Variants in MPDZ observed in about 807,000 individuals in gnomAD.
MPDZ encodes multiple PDZ domain protein.
Under a neutral mutation model 239.1 loss-of-function variants are expected in MPDZ, and 234 were observed. The ratio of observed to expected loss-of-function variants is 0.98; its 90% CI spans 0.88 to 1.09. The LOEUF (loss-of-function observed/expected upper bound fraction) is 1.09, where lower values mean the gene tolerates loss of function less well. Among genes scored for constraint, MPDZ ranks in the 50% least tolerant of loss-of-function variants. The pLI is 0.00. For missense variants in MPDZ, 3,175 were observed against 2,510.0 expected (o/e 1.26, Z -5.66); for synonymous variants, 1,048 against 881.3 (o/e 1.19, Z -3.35).
intron 1 of MPDZ, among the ~76,000 whole-genome samples, chr9:13,260,963 G>A (rs1430814288): frequency 6.6e-6 from 1 of 152,138 alleles, no homozygotes; most frequent in Non-Finnish European, 1.5e-5. Context: ...ACTATGCTTC[G>A]CCCCTTTCTT....
intron 10 of MPDZ, among the ~76,000 whole-genome samples, chr9:13,212,205 T>C (rs1257787708): frequency 6.6e-6 from 1 of 152,100 alleles, no homozygotes; most frequent in Non-Finnish European, 1.5e-5. Flanking sequence ...TCTTCTGAAC[T>C]TGATGACTTG....
At chr9:13,229,602 A>ACACC (rs925844703) in intron 3 of MPDZ, among the ~76,000 whole-genome samples, 14 of 148,694 alleles carry the variant, frequency 9.4e-5, no homozygotes, top group African/African-American at 3.6e-4. Flanking sequence ...ACACACACAC[A>ACACC]CACCCCCATC....
chr9:13,133,769 G>T, intron 32 of MPDZ, 55 bp downstream of exon 32: 1 of 1,247,828 alleles, frequency 8.0e-7, no homozygotes, highest in South Asian at 1.3e-5. Flanking sequence ...CAGTGAATTA[G>T]AACACTGAGG....
chr9:13,140,499 G>A (rs1331573649), intron 27 of MPDZ, among the ~76,000 whole-genome samples: 1 of 147,738 alleles, frequency 6.8e-6, no homozygotes, highest in Middle Eastern at 3.4e-3. Context: ...ATATATCTAT[G>A]TATATATATA....
At chr9:13,140,389 TATAC>T (rs1206567889) in intron 27 of MPDZ, among the ~76,000 whole-genome samples, 1 of 142,674 alleles carries the variant, frequency 7.0e-6, no homozygotes, top group African/African-American at 2.7e-5. Context: ...ATTTTATATA[TATAC>T]ATATATATAT....
chr9:13,188,817 C>A lies in MPDZ; in HGVS notation c.2331G>T (p.Gly777=). The change falls in exon 17 of 47, where the codon GGG becomes GGT. Residue 777 remains glycine (G), a synonymous_variant. Transcript: ENST00000319217. Reference sequence around the variant, plus strand: ...GCTTAGCAACTCCTATTCTCACAGTCCCTGACGGTGCTCCCTTCAGTGCTT... The same window carrying A: ...GCTTAGCAACTCCTATTCTCACAGTACCTGACGGTGCTCCCTTCAGTGCTT... ...AVEALKGAPS[G]TVRIGVAKPL... The A allele has an allele frequency of 1.2e-6, 2 of 1,613,434 alleles. No homozygotes were observed. The highest frequency in any genetic ancestry group is 1.7e-6 in the Non-Finnish European group (2 of 1,179,496).
intron 32 of MPDZ, among the ~76,000 whole-genome samples, chr9:13,131,711 A>G (rs1048478140): frequency 2.6e-5 from 4 of 152,180 alleles, no homozygotes; most frequent in Non-Finnish European, 4.4e-5. Flanking sequence ...TAGAGGGTGG[A>G]TGCTGGGATC....
chr9:13,113,144 T>C lies in MPDZ; in HGVS notation c.5558-90A>G, dbSNP rs1942781038. The C allele has an allele frequency of 4.2e-6, 5 of 1,204,058 alleles. No homozygotes were observed. The South Asian group carries it at 5.9e-5, about 14-fold the overall frequency. 74.6% of individuals were successfully genotyped at this position (1,204,058 alleles called of 1,614,324 possible). The stretch of plus-strand genomic sequence containing the variant: ...ATATCTAAAGCTGGATGGGACTAAA[T>C]GATAACCTAGGTTTCTTTTTTTAAG... On this transcript the variant is annotated intron_variant, in intron 41 of 46. Coordinates refer to ENST00000319217, the MANE Select transcript of MPDZ (RefSeq NM_001378778.1).
intron 36 of MPDZ, 58 bp downstream of exon 36, chr9:13,123,095 G>A (rs772964370): frequency 1.3e-5 from 20 of 1,488,178 alleles, no homozygotes; most frequent in East Asian, 2.3e-5. Flanking sequence ...CCCCATAATC[G>A]TCTCTGAGGC....
intron 22 of MPDZ, chr9:13,165,302 A>G: frequency 1.3e-6 from 2 of 1,516,792 alleles, no homozygotes; most frequent in Non-Finnish European, 1.8e-6. Context: ...CAAAAGCACA[A>G]AATTGTTTTC....
intron 3 of MPDZ, among the ~76,000 whole-genome samples, chr9:13,225,728 C>A (rs531318151): frequency 5.2e-4 from 79 of 152,096 alleles, no homozygotes; most frequent in Admixed American, 1.2e-3. Flanking sequence ...GTGTGGTAGG[C>A]TATATCACCA....
chr9:13,169,899 C>T (rs1294395697), intron 21 of MPDZ, among the ~76,000 whole-genome samples: 1 of 152,154 alleles, frequency 6.6e-6, no homozygotes. Context: ...GCAGCTCTTG[C>T]ACAGCTAACT....
chr9:13,115,195 T>C (rs534330414), intron 40 of MPDZ, 53 bp downstream of exon 40: 1 of 1,487,062 alleles, frequency 6.7e-7, no homozygotes, highest in Admixed American at 1.7e-5. Context: ...GCCATCTATG[T>C]GTCCTCTTGG....
Position 13,275,244 on chromosome 9 carries a change from G to GT in MPDZ, c.-58+4155dup, listed in dbSNP as rs1416897652. ...AATCCCTGTACCTCACAATATAACT[G>GT]TATTTGGAGATAAAGGTTAAATGAG... On this transcript the variant is annotated intron_variant, in intron 1 of 46. Coordinates refer to ENST00000319217, the MANE Select transcript of MPDZ (RefSeq NM_001378778.1). 3.3e-5 allele frequency among the ~76,000 whole-genome samples: 5 copies of GT among 152,160 alleles called. No individual in the cohort carries two copies. The East Asian group carries it at 9.6e-4, about 29-fold the overall frequency.
chr9:13,271,222 A>G (rs1972880588), intron 1 of MPDZ, among the ~76,000 whole-genome samples: 1 of 152,160 alleles, frequency 6.6e-6, no homozygotes, highest in Admixed American at 6.5e-5. Context: ...GGGCCTTTAA[A>G]TTTTCTATGT....
At chr9:13,176,439 C>T in intron 19 of MPDZ, 22 bp from the exon 20 acceptor site, 2 of 1,505,514 alleles carry the variant, frequency 1.3e-6, no homozygotes, top group Non-Finnish European at 8.9e-7. Flanking sequence ...AAAACAACAA[C>T]AACAAAACAT....
intron 24 of MPDZ, among the ~76,000 whole-genome samples, chr9:13,153,840 G>A (rs747398087): frequency 6.6e-6 from 1 of 152,046 alleles, no homozygotes; most frequent in East Asian, 1.9e-4. Flanking sequence ...AAGAAGGAAA[G>A]AAAATGTCTC....
intron 13 of MPDZ, among the ~76,000 whole-genome samples, chr9:13,195,870 C>T: frequency 6.6e-6 from 1 of 152,082 alleles, no homozygotes; most frequent in East Asian, 1.9e-4. Context: ...CATACTATTA[C>T]TGGAAATATT....
chr9:13,153,441 GTTTGTT>G (rs1408427080), intron 24 of MPDZ, among the ~76,000 whole-genome samples: 2 of 151,974 alleles, frequency 1.3e-5, no homozygotes, highest in African/African-American at 4.8e-5. Flanking sequence ...CCCTATTTTT[GTTTGTT>G]TTTGTTTTTG....
Sources: gnomAD v4.1 joint callset for allele counts (sites outside exome capture counted in the v4.1 genomes callset) on GRCh38, gnomAD v4.1.1 for gene constraint, MANE v1.5 for transcripts, NCBI Gene and HGNC (gene_info 2026-07-23, HGNC 2026-07-21) for gene names.